Variants in ANKRD2 observed in about 807,000 individuals in gnomAD.
ANKRD2 encodes the protein ankyrin repeat domain 2, also known as ankyrin repeat domain-containing protein 2.
A neutral mutation model predicts 37.3 loss-of-function variants in ANKRD2; 35 were observed. The observed-to-expected ratio is 0.94, with a 90% CI of 0.72 to 1.24. The LOEUF (loss-of-function observed/expected upper bound fraction) is 1.24, where lower values mean the gene tolerates loss of function less well. Among genes scored for constraint, ANKRD2 ranks in the 50% most tolerant of loss-of-function variants. The pLI is 0.00. For synonymous variants in ANKRD2, 159 were observed against 186.5 expected (o/e 0.85, Z 1.20); for missense variants, 410 against 445.6 (o/e 0.92, Z 0.72).
Position 97,582,443 on chromosome 10 carries a change from G to T in ANKRD2, c.753+30G>T, listed in dbSNP as rs759796686. On this transcript the variant is annotated intron_variant, in intron 7 of 8. Transcript: ENST00000370655. ...GTGCTAGCCTGTCCGCTGCTCACCC[G>T]CCATGGGTGTGTGGGCAGCCTGCGG... 26 of 1,581,796 alleles carry T rather than the reference G, an allele frequency of 1.6e-5. No individual in the cohort carries two copies. In the South Asian group the frequency reaches 2.8e-4, roughly 17 times the overall value.
chr10:97,575,252 C>A (rs553197802), intron 1 of ANKRD2, among the ~76,000 whole-genome samples: 1 of 152,332 alleles, frequency 6.6e-6, no homozygotes, highest in Admixed American at 6.5e-5. Context: ...GGAGGAGAAC[C>A]TCTGTCTAGC....
intron 1 of ANKRD2, among the ~76,000 whole-genome samples, chr10:97,575,149 C>G (rs1231412317): frequency 6.6e-6 from 1 of 152,200 alleles, no homozygotes; most frequent in Admixed American, 6.5e-5. Flanking sequence ...CAAAGACAAA[C>G]CTGAAATGAA....
intron 4 of ANKRD2, 71 bp from the exon 5 acceptor site, chr10:97,580,784 C>A: frequency 8.2e-7 from 1 of 1,224,232 alleles, no homozygotes; most frequent in Non-Finnish European, 1.2e-6. Flanking sequence ...AGGCCTGGGC[C>A]TCAGCTTGGG....
chr10:97,577,699 C>A, intron 1 of ANKRD2, 101 bp from the exon 2 acceptor site: 1 of 973,716 alleles, frequency 1.0e-6, no homozygotes. Flanking sequence ...GGCTCTGAGA[C>A]CACCCAGGAG....
chr10:97,582,756 A>G (rs1010277379), intron 8 of ANKRD2, 54 bp downstream of exon 8: 2 of 1,545,842 alleles, frequency 1.3e-6, no homozygotes, highest in South Asian at 1.1e-5. Context: ...CATACAGTGG[A>G]GGTGCTGTCC....
chr10:97,581,232 C>T, intron 5 of ANKRD2, 84 bp from the exon 6 acceptor site: 1 of 1,389,064 alleles, frequency 7.2e-7, no homozygotes, highest in Non-Finnish European at 1.0e-6. Flanking sequence ...CTAGATATCC[C>T]TCTGCCTTCC....
intron 6 of ANKRD2, 143 bp from the exon 7 acceptor site, chr10:97,582,172 C>T (rs1409798093): frequency 6.2e-6 from 4 of 647,984 alleles, no homozygotes; most frequent in Non-Finnish European, 1.1e-5. Flanking sequence ...AGAAATTGTA[C>T]CATTCTCTGC....
intron 4 of ANKRD2, among the ~76,000 whole-genome samples, 171 bp from the exon 5 acceptor site, chr10:97,580,684 C>A (rs1371600144): frequency 6.6e-6 from 1 of 152,080 alleles, no homozygotes; most frequent in Non-Finnish European, 1.5e-5. Context: ...GCAGAGGGCT[C>A]CCAGGCTGGT....
intron 8 of ANKRD2, among the ~76,000 whole-genome samples, chr10:97,582,917 C>G (rs61635154): frequency 1.3e-5 from 2 of 152,314 alleles, no homozygotes; most frequent in African/African-American, 2.4e-5. Flanking sequence ...TGCAGAGAGA[C>G]AGCAGGAGGG....
chr10:97,573,453 G>A (rs2040785213), intron 1 of ANKRD2, among the ~76,000 whole-genome samples: 1 of 151,788 alleles, frequency 6.6e-6, no homozygotes. Flanking sequence ...TTTGAGACGG[G>A]GTCTCCCTCT....
intron 1 of ANKRD2, among the ~76,000 whole-genome samples, chr10:97,573,792 G>A (rs1031136418): frequency 1.3e-5 from 2 of 152,168 alleles, no homozygotes; most frequent in Non-Finnish European, 2.9e-5. Context: ...GCCCAGAGCT[G>A]TAGAAATGGG....
intron 1 of ANKRD2, among the ~76,000 whole-genome samples, chr10:97,574,788 A>C (rs1456485435): frequency 1.3e-5 from 2 of 152,224 alleles, no homozygotes; most frequent in Non-Finnish European, 2.9e-5. Flanking sequence ...TGGGGCAAGC[A>C]TCCCTGGATC....
chr10:97,572,683 G>A (rs762525412), upstream of ANKRD2: 4 of 1,587,644 alleles, frequency 2.5e-6, no homozygotes, highest in Middle Eastern at 2.3e-4. Flanking sequence ...GGGGGAGGCA[G>A]GTGGAGAATT....
At chr10:97,579,626 C>G (rs1423235648) in intron 4 of ANKRD2, among the ~76,000 whole-genome samples, 1 of 150,892 alleles carries the variant, frequency 6.6e-6, no homozygotes, top group Non-Finnish European at 1.5e-5. Flanking sequence ...CTTGCTCTGT[C>G]CCCCAGGCTG....
chr10:97,573,573 T>C (rs933511383), intron 1 of ANKRD2, among the ~76,000 whole-genome samples: 1 of 151,996 alleles, frequency 6.6e-6, no homozygotes, highest in African/African-American at 2.4e-5. Flanking sequence ...ATTACAGGCA[T>C]GCACCACCAT....
intron 6 of ANKRD2, 39 bp downstream of exon 6, chr10:97,581,453 G>A (rs531104474): frequency 6.2e-7 from 1 of 1,603,032 alleles, no homozygotes; most frequent in Admixed American, 1.7e-5. Context: ...ATATTGGGGT[G>A]GCTGTGGGGA....
chr10:97,576,554 T>C (rs1036618370), intron 1 of ANKRD2, among the ~76,000 whole-genome samples: 1 of 151,820 alleles, frequency 6.6e-6, no homozygotes, highest in South Asian at 2.1e-4. Flanking sequence ...AAAAAAAAAA[T>C]AGTATCTAAC....
intron 2 of ANKRD2, 85 bp from the exon 3 acceptor site, chr10:97,578,155 C>CCCCCCCCCCCG: frequency 9.0e-7 from 1 of 1,115,278 alleles, no homozygotes; most frequent in Non-Finnish European, 1.3e-6. Flanking sequence ...CCCACCCCAC[C>CCCCCCCCCCCG]CTCCCCACCA....
At position 97,583,818 on chromosome 10, in the gene ANKRD2, C is replaced by A. The variant is rs1365883488; in HGVS notation, c.*93C>A. ...CTCCCGGAGCTAACTGAGGGCCCAG[C>A]CTTTTTTCTGCATGATCCAGGAGCA... On this transcript the variant is annotated 3_prime_UTR_variant, in exon 9 of 9. Transcript: ENST00000370655. 6.6e-6 allele frequency: 9 copies of A among 1,361,404 alleles called. No individual in the cohort carries two copies. The highest frequency in any genetic ancestry group is 6.2e-5 in the Admixed American group (2 of 32,020). 84.3% of individuals were successfully genotyped at this position (1,361,404 alleles called of 1,614,324 possible). A position where few individuals can be genotyped will look rare whatever the true frequency, so the allele number is the denominator to read the frequency against.
Sources: allele counts gnomAD v4.1 joint callset (sites outside exome capture counted in the v4.1 genomes callset), GRCh38; gene constraint gnomAD v4.1.1; transcripts MANE v1.5; gene names NCBI Gene and HGNC (gene_info 2026-07-23, HGNC 2026-07-21).